Variants in SPHKAP observed in about 807,000 individuals in gnomAD.
The protein encoded by SPHKAP is A-kinase anchor protein SPHKAP.
Under a neutral mutation model 137.5 loss-of-function variants are expected in SPHKAP, and 67 were observed. The observed-to-expected ratio is 0.49, with a 90% CI of 0.40 to 0.60. The LOEUF (loss-of-function observed/expected upper bound fraction) is 0.60, where lower values mean the gene tolerates loss of function less well. Among genes scored for constraint, SPHKAP ranks in the 20% least tolerant of loss-of-function variants. The probability of loss-of-function intolerance (pLI) is 0.00; values close to 1 mark genes in which losing one functional copy is unlikely to be tolerated. For synonymous variants in SPHKAP, 813 were observed against 785.3 expected (o/e 1.04, Z -0.59); for missense variants, 2,097 against 2,069.3 (o/e 1.01, Z -0.26).
chr2:228,115,807 T>C (rs1411529802), intron 2 of SPHKAP, among the ~76,000 whole-genome samples: 1 of 152,132 alleles, frequency 6.6e-6, no homozygotes, highest in African/African-American at 2.4e-5. Context: ...GGTCTGAATG[T>C]GTCTTCCTCT....
chr2:228,166,229 TATG>T (rs1700419319), intron 1 of SPHKAP, among the ~76,000 whole-genome samples: 1 of 152,226 alleles, frequency 6.6e-6, no homozygotes. Context: ...AAGGGAAAAT[TATG>T]ATCTATTAAT....
intron 3 of SPHKAP, among the ~76,000 whole-genome samples, chr2:228,045,761 AAG>A (rs1491354266): frequency 6.6e-6 from 1 of 152,052 alleles, no homozygotes. Context: ...TAATAAAAAA[AAG>A]AAAAAAAATA....
Position 228,116,070 on chromosome 2 carries a change from C to T in SPHKAP, c.139-7131G>A, listed in dbSNP as rs966389618. 7.6e-4 allele frequency among the ~76,000 whole-genome samples: 116 copies of T among 152,160 alleles called. 1 individual carries two copies. Among genetic ancestry groups the T allele is most frequent in the Admixed American group, 7.5e-3 (114 of 15,258 alleles). ...GCTGTCACCTTGATCTTGAACTTTC[C>T]AGCCTCTAGAACTGTGAGCAATAAA... On this transcript the variant is annotated intron_variant, in intron 2 of 11. Coordinates refer to ENST00000392056, the MANE Select transcript of SPHKAP (RefSeq NM_001142644.2).
intron 3 of SPHKAP, among the ~76,000 whole-genome samples, chr2:228,081,537 AT>A (rs1277121021): frequency 1.3e-5 from 2 of 152,222 alleles, no homozygotes; most frequent in African/African-American, 4.8e-5. Context: ...AAGAAATGGA[AT>A]TACCCTAAGT....
In SPHKAP at chr2:228,016,553, T is replaced by C. The variant is rs762176818; in HGVS notation, c.4301A>G (p.Asp1434Gly). ...TTCCCCAGCACAGGCTTCTCTCTGA[T>C]CTGTTTCAATCTGAATCAAAGGCAC... ...REVPLIQIET[D>G]QREACAGEPE... Residue 1434 changes from aspartate (D) to glycine (G), a missense_variant, in exon 7 of 12, where the codon GAT becomes GGT. Transcript: ENST00000392056. 6.2e-6 allele frequency: 10 copies of C among 1,614,144 alleles called. No homozygotes were observed. Among genetic ancestry groups the C allele is most frequent in the Non-Finnish European group, 8.5e-6 (10 of 1,180,020 alleles).
chr2:228,028,033 A>G (rs1695127227), intron 3 of SPHKAP: 1 of 985,176 alleles, frequency 1.0e-6, no homozygotes, highest in South Asian at 4.7e-5. Context: ...TAGCTCTCCA[A>G]CACCCTGCTC....
intron 2 of SPHKAP, among the ~76,000 whole-genome samples, chr2:228,112,318 T>A (rs12611517): frequency 0.34 from 52,096 of 151,760 alleles, 9,157 homozygotes; most frequent in East Asian, 0.5. Flanking sequence ...TGTCTTACAA[T>A]GCAGTTTAAC....
intron 7 of SPHKAP, among the ~76,000 whole-genome samples, chr2:228,001,294 CATATAA>C (rs1223671728): frequency 8.4e-5 from 11 of 130,966 alleles, no homozygotes; most frequent in Admixed American, 6.5e-4. Flanking sequence ...TATATCTATA[CATATAA>C]ATATATCTAT....
At chr2:228,167,954 A>T (rs758894011) in intron 1 of SPHKAP, among the ~76,000 whole-genome samples, 1 of 152,190 alleles carries the variant, frequency 6.6e-6, no homozygotes, top group Non-Finnish European at 1.5e-5. Flanking sequence ...ATGCTCATAC[A>T]TGAATACCTT....
At chr2:228,079,840 C>T (rs545907869) in intron 3 of SPHKAP, among the ~76,000 whole-genome samples, 50 of 152,350 alleles carry the variant, frequency 3.3e-4, no homozygotes, top group Middle Eastern at 3.4e-3. Flanking sequence ...GGCTCAAGGC[C>T]TACCTGTCTG....
chr2:228,012,940 G>A (rs1202616576), intron 7 of SPHKAP, among the ~76,000 whole-genome samples: 3 of 152,136 alleles, frequency 2.0e-5, no homozygotes, highest in Non-Finnish European at 2.9e-5. Context: ...TCAGTATATT[G>A]AGCGTAAATA....
chr2:228,108,288 T>C (rs1698405434), intron 3 of SPHKAP, among the ~76,000 whole-genome samples: 1 of 152,214 alleles, frequency 6.6e-6, no homozygotes, highest in Non-Finnish European at 1.5e-5. Context: ...GAAAGAATTA[T>C]ATTGTTTTTC....
intron 2 of SPHKAP, among the ~76,000 whole-genome samples, chr2:228,130,709 A>G (rs144045020): frequency 6.6e-6 from 1 of 152,302 alleles, no homozygotes; most frequent in African/African-American, 2.4e-5. Context: ...AGTATACCTA[A>G]GGTTGGAGAC....
At chr2:228,178,843 A>T (rs1342625668) in intron 1 of SPHKAP, among the ~76,000 whole-genome samples, 1 of 152,146 alleles carries the variant, frequency 6.6e-6, no homozygotes, top group Admixed American at 6.5e-5. Flanking sequence ...TGCACCTTTA[A>T]AAATGAAAAT....
At chr2:228,077,665 A>G (rs184732061) in intron 3 of SPHKAP, among the ~76,000 whole-genome samples, 2 of 152,342 alleles carry the variant, frequency 1.3e-5, no homozygotes, top group African/African-American at 4.8e-5. Context: ...TTACAGGCTC[A>G]TAGGTGGAGG....
chr2:228,063,671 GAC>G (rs2106290977), intron 3 of SPHKAP, among the ~76,000 whole-genome samples: 1 of 152,256 alleles, frequency 6.6e-6, no homozygotes, highest in East Asian at 1.9e-4. Context: ...TGTGAAACAC[GAC>G]AGAGTTTAGG....
chr2:228,015,155 G>A (rs1694526342), intron 7 of SPHKAP, among the ~76,000 whole-genome samples: 1 of 146,928 alleles, frequency 6.8e-6, no homozygotes, highest in South Asian at 2.1e-4. Flanking sequence ...CCACCTATGA[G>A]TGAGAACATG....
At chr2:228,125,293 A>G (rs746909376) in intron 2 of SPHKAP, among the ~76,000 whole-genome samples, 2 of 152,230 alleles carry the variant, frequency 1.3e-5, no homozygotes, top group Non-Finnish European at 2.9e-5. Flanking sequence ...TAATGCTTTC[A>G]GAGGAAAGGA....
chr2:228,012,758 C>A (rs939906637), intron 7 of SPHKAP, among the ~76,000 whole-genome samples: 2 of 152,098 alleles, frequency 1.3e-5, no homozygotes, highest in Non-Finnish European at 2.9e-5. Context: ...TAAATGGATA[C>A]AGCACCTAAA....
Sources: gnomAD v4.1 joint callset for allele counts (sites outside exome capture counted in the v4.1 genomes callset) on GRCh38, gnomAD v4.1.1 for gene constraint, MANE v1.5 for transcripts, NCBI Gene and HGNC (gene_info 2026-07-23, HGNC 2026-07-21) for gene names.